PCDH15: variants seen among roughly 807,000 people sequenced by gnomAD.
PCDH15 encodes the protein protocadherin-15.
In PCDH15, 129 loss-of-function variants were observed where a neutral mutation model predicts 178.5. The ratio of observed to expected loss-of-function variants is 0.72; its 90% CI spans 0.63 to 0.84. The LOEUF is 0.84. Among genes scored for constraint, PCDH15 ranks in the 40% least tolerant of loss-of-function variants. The pLI, the probability that PCDH15 is intolerant of heterozygous loss-of-function variation, is 0.00. For missense variants in PCDH15, 2,230 were observed against 2,099.9 expected, an observed-to-expected ratio of 1.06 and a Z score of -1.21; for synonymous variants, 800 against 732.0, an observed-to-expected ratio of 1.09 and a Z score of -1.50.
intron 2 of PCDH15, among the ~76,000 whole-genome samples, chr10:55,328,369 C>T (rs1004482347): frequency 1.3e-5 from 2 of 151,810 alleles, no homozygotes; most frequent in Admixed American, 1.3e-4. Context: ...GCCTACTACA[C>T]ATGTATATGG....
intron 21 of PCDH15, among the ~76,000 whole-genome samples, chr10:53,965,421 T>C (rs1321995736): frequency 1.3e-5 from 2 of 152,188 alleles, no homozygotes; most frequent in African/African-American, 4.8e-5. Context: ...GAAATTTTCT[T>C]AGCTGGAAAA....
At chr10:55,572,625 T>C (rs1425673097) in intron 2 of PCDH15, among the ~76,000 whole-genome samples, 1 of 151,980 alleles carries the variant, frequency 6.6e-6, no homozygotes, top group Non-Finnish European at 1.5e-5. Context: ...ACAGAATATG[T>C]CATGTACGGA....
At chr10:54,739,300 A>G (rs1944487065) in intron 1 of PCDH15, among the ~76,000 whole-genome samples, 1 of 152,094 alleles carries the variant, frequency 6.6e-6, no homozygotes, top group Non-Finnish European at 1.5e-5. Flanking sequence ...AATACAAGAA[A>G]GTAATTCAAT....
chr10:54,192,116 A>G (rs7907585), intron 11 of PCDH15, among the ~76,000 whole-genome samples: 10 of 140,816 alleles, frequency 7.1e-5, no homozygotes, highest in South Asian at 2.3e-4. Context: ...AGAAAAAAAA[A>G]AAAGAAAGAA....
rs71463104 is a variant in PCDH15, at chr10:55,467,966, C to CAAAAAAAAAAAAAAA, written c.-156+159644_-156+159658dup. 3.6e-3 allele frequency among the ~76,000 whole-genome samples: 131 copies of CAAAAAAAAAAAAAAA among 36,624 alleles called. 7 individuals are homozygous for CAAAAAAAAAAAAAAA. The highest frequency in any genetic ancestry group is 4.7e-3 in the African/African-American group (31 of 6,588). The allele number at this position is 36,624 out of a possible 152,430, so 24.0% of individuals were successfully genotyped here. ...TGGGCGATAGAGCCAGACTCCGTCT[C>CAAAAAAAAAAAAAAA]AAAAAAAAAAAAAAAAAAAAAAAAA... On this transcript the variant is annotated intron_variant, in intron 2 of 5. Coordinates refer to the PCDH15 transcript ENST00000613346.
intron 3 of PCDH15, among the ~76,000 whole-genome samples, chr10:54,510,284 G>C (rs769253216): frequency 6.6e-6 from 1 of 152,188 alleles, no homozygotes; most frequent in Non-Finnish European, 1.5e-5. Context: ...CTCCTGAAAA[G>C]AGTGATAGCC....
intron 28 of PCDH15, among the ~76,000 whole-genome samples, chr10:53,841,904 T>C (rs2077670466): frequency 1.4e-5 from 2 of 138,150 alleles, no homozygotes; most frequent in Admixed American, 1.6e-4. Context: ...GAGGTTGCAG[T>C]GACTCCAGCC....
intron 5 of PCDH15, among the ~76,000 whole-genome samples, chr10:54,363,856 T>C (rs1336172041): frequency 1.3e-5 from 2 of 152,058 alleles, no homozygotes; most frequent in African/African-American, 4.8e-5. Context: ...TTATAATCCA[T>C]GGATGGATTA....
At chr10:55,190,213 ACAGT>A (rs1839909467) in intron 1 of PCDH15, among the ~76,000 whole-genome samples, 1 of 151,756 alleles carries the variant, frequency 6.6e-6, no homozygotes, top group South Asian at 2.1e-4. Flanking sequence ...TATGGCAATG[ACAGT>A]CAGAATAGTG....
At chr10:55,172,503 A>T (rs1839363661) in intron 1 of PCDH15, among the ~76,000 whole-genome samples, 3 of 151,968 alleles carry the variant, frequency 2.0e-5, no homozygotes, top group African/African-American at 7.2e-5. Flanking sequence ...GCATAACAAG[A>T]TGTGCAATGA....
At chr10:54,395,273 A>G (rs1455461056) in intron 3 of PCDH15, among the ~76,000 whole-genome samples, 3 of 152,100 alleles carry the variant, frequency 2.0e-5, no homozygotes, top group Admixed American at 6.5e-5. Context: ...GAACTAATAA[A>G]TGTCCATGAA....
At chr10:55,625,684 C>G (rs1418557219) in intron 2 of PCDH15, among the ~76,000 whole-genome samples, 1 of 152,148 alleles carries the variant, frequency 6.6e-6, no homozygotes, top group Non-Finnish European at 1.5e-5. Flanking sequence ...AAGCATTTAC[C>G]AAGCAAAGAA....
chr10:54,394,002 G>A (rs1418983818), intron 3 of PCDH15, among the ~76,000 whole-genome samples: 1 of 151,212 alleles, frequency 6.6e-6, no homozygotes, highest in Non-Finnish European at 1.5e-5. Context: ...GGAGAGAAGG[G>A]AAAAAGAAAA....
At chr10:54,183,341 G>T in intron 13 of PCDH15, 103 bp downstream of exon 13, 1 of 1,147,822 alleles carries the variant, frequency 8.7e-7, no homozygotes, top group Non-Finnish European at 1.3e-6. Context: ...CAATAAGTGT[G>T]AAATCAATTT....
At chr10:55,199,392 A>G (rs1190860258) in intron 1 of PCDH15, among the ~76,000 whole-genome samples, 3 of 152,096 alleles carry the variant, frequency 2.0e-5, no homozygotes, top group African/African-American at 7.3e-5. Context: ...AGAAATTTCT[A>G]AGCAGCAAGG....
chr10:54,233,550 T>G (rs1258464781), intron 9 of PCDH15, among the ~76,000 whole-genome samples: 9 of 152,212 alleles, frequency 5.9e-5, no homozygotes, highest in Admixed American at 5.9e-4. Flanking sequence ...TGGCCTAACA[T>G]GATCTATACT....
chr10:54,879,909 C>T (rs550705106), intron 3 of PCDH15, among the ~76,000 whole-genome samples: 3 of 151,940 alleles, frequency 2.0e-5, no homozygotes, highest in Non-Finnish European at 2.9e-5. Flanking sequence ...TTAATGTTAA[C>T]ATTTTTCCAT....
At chr10:55,441,626 T>C (rs1314322326) in intron 2 of PCDH15, among the ~76,000 whole-genome samples, 1 of 152,130 alleles carries the variant, frequency 6.6e-6, no homozygotes, top group Non-Finnish European at 1.5e-5. Flanking sequence ...CAAAGGGGAA[T>C]CCTACCACAT....
intron 1 of PCDH15, among the ~76,000 whole-genome samples, chr10:55,297,826 T>C (rs1456793937): frequency 6.6e-6 from 1 of 151,984 alleles, no homozygotes; most frequent in Non-Finnish European, 1.5e-5. Flanking sequence ...GTTGCACAGA[T>C]AAAATTATGA....
Sources: gnomAD v4.1 joint callset for allele counts (sites outside exome capture counted in the v4.1 genomes callset) on GRCh38, gnomAD v4.1.1 for gene constraint, MANE v1.5 for transcripts, NCBI Gene and HGNC (gene_info 2026-07-23, HGNC 2026-07-21) for gene names.